The following NDUFAF6 variants were observed in gnomAD, a reference collection of about 807,000 sequenced individuals.
The protein encoded by NDUFAF6 is NADH dehydrogenase (ubiquinone) complex I, assembly factor 6.
NDUFAF6 carries 45 observed loss-of-function variants against 40.8 expected under a neutral mutation model. The observed-to-expected ratio is 1.10, with a 90% CI of 0.87 to 1.42. The LOEUF (loss-of-function observed/expected upper bound fraction) is 1.42. Ranked by LOEUF, NDUFAF6 falls within the 40% of genes most tolerant of loss-of-function variation. The pLI is 0.00. For missense variants in NDUFAF6, 435 were observed against 418.5 expected, an observed-to-expected ratio of 1.04 and a Z score of -0.34; for synonymous variants, 185 against 155.9, an observed-to-expected ratio of 1.19 and a Z score of -1.39.
chr8:94,948,627 G>T (rs896853), intron 2 of NDUFAF6, among the ~76,000 whole-genome samples: 4 of 152,046 alleles, frequency 2.6e-5, no homozygotes, highest in Non-Finnish European at 5.9e-5. Context: ...ATCGCAGGGC[G>T]GGGACAGAGC....
At chr8:94,973,503 T>G (rs1824645425) in intron 1 of NDUFAF6, among the ~76,000 whole-genome samples, 1 of 151,910 alleles carries the variant, frequency 6.6e-6, no homozygotes, top group Non-Finnish European at 1.5e-5. Context: ...GGTCAGGAGA[T>G]CGAGACCATC....
chr8:94,960,840 C>T lies in NDUFAF6; in HGVS notation c.-199+2661C>T, dbSNP rs563469893. On this transcript the variant is annotated intron_variant, in intron 1 of 9. Coordinates refer to the NDUFAF6 transcript ENST00000396111. ...TTTGTCCCTGACTGTTGTAACTTTT[C>T]GAACAAACCCTTCATACCTTTTACG... is the stretch of plus-strand genomic sequence containing the variant. 6.6e-5 allele frequency among the ~76,000 whole-genome samples: 10 copies of T among 152,316 alleles called. No individual in the cohort carries two copies. In the South Asian group the frequency reaches 1.2e-3, roughly 19 times the overall value.
chr8:95,033,020 T>TAA (rs1829040092), intron 2 of NDUFAF6, among the ~76,000 whole-genome samples: 1 of 152,206 alleles, frequency 6.6e-6, no homozygotes, highest in African/African-American at 2.4e-5. Context: ...CCTTGGTCTT[T>TAA]ATTATCATTT....
At chr8:94,938,297 G>A (rs772413835) in intron 1 of NDUFAF6, among the ~76,000 whole-genome samples, 8 of 152,220 alleles carry the variant, frequency 5.3e-5, no homozygotes, top group African/African-American at 1.2e-4. Flanking sequence ...CTGGTGTTGT[G>A]CCAGTATTTT....
At chr8:94,919,349 A>G (rs2131261750) in intron 1 of NDUFAF6, among the ~76,000 whole-genome samples, 1 of 152,176 alleles carries the variant, frequency 6.6e-6, no homozygotes, top group Non-Finnish European at 1.5e-5. Context: ...GCCTGTGATT[A>G]CTTTACTTTT....
At chr8:94,982,815 C>T (rs1173559208) in intron 2 of NDUFAF6, among the ~76,000 whole-genome samples, 2 of 152,244 alleles carry the variant, frequency 1.3e-5, no homozygotes, top group East Asian at 1.9e-4. Context: ...GGTGACCCAC[C>T]GTAATATGGA....
rs183276653 is a variant in NDUFAF6 at position 94,932,005 on chromosome 8, G to C, written c.-935-13478G>C. 2.0e-5 allele frequency: 30 copies of C among 1,487,406 alleles called. No individual in the cohort carries two copies. The East Asian group carries it at 6.7e-4, about 33-fold the overall frequency. 92.1% of individuals were successfully genotyped at this position (1,487,406 alleles called of 1,614,324 possible). A position where few individuals can be genotyped will look rare whatever the true frequency, so the allele number is the denominator to read the frequency against. On this transcript the variant is annotated intron_variant, in intron 1 of 14. Coordinates refer to the NDUFAF6 transcript ENST00000396113. ...AAAGAAAGTCATTTTTAAAAGGTCAGCATTTGGGTCCTTTGCCTCCCTATG... is the reference window on the plus strand; with the variant it reads ...AAAGAAAGTCATTTTTAAAAGGTCACCATTTGGGTCCTTTGCCTCCCTATG...
intron 2 of NDUFAF6, among the ~76,000 whole-genome samples, chr8:94,987,103 C>T (rs1463240850): frequency 6.6e-6 from 1 of 152,208 alleles, no homozygotes; most frequent in Non-Finnish European, 1.5e-5. Flanking sequence ...CTTTGTCCCC[C>T]AGAAGTACAG....
intron 1 of NDUFAF6, among the ~76,000 whole-genome samples, chr8:94,922,211 C>T (rs188696837): frequency 2.2e-4 from 33 of 152,086 alleles, no homozygotes; most frequent in Admixed American, 6.6e-4. Flanking sequence ...GAGGTTTCAC[C>T]GTGTTAGCCA....
intron 1 of NDUFAF6, among the ~76,000 whole-genome samples, chr8:94,913,693 G>A (rs556293404): frequency 2.6e-4 from 39 of 152,256 alleles, no homozygotes; most frequent in Non-Finnish European, 3.8e-4. Flanking sequence ...CAGCTACTCG[G>A]GAGGCTAAGG....
At chr8:94,961,000 G>C (rs1173001644) in intron 1 of NDUFAF6, among the ~76,000 whole-genome samples, 1 of 152,116 alleles carries the variant, frequency 6.6e-6, no homozygotes, top group Non-Finnish European at 1.5e-5. Context: ...ACTCTAAAAG[G>C]CCAGCACATA....
intron 2 of NDUFAF6, among the ~76,000 whole-genome samples, chr8:94,985,338 C>T (rs1441385506): frequency 4.6e-5 from 7 of 150,816 alleles, no homozygotes; most frequent in African/African-American, 1.7e-4. Context: ...TGCCACTCTA[C>T]ATATGCCACT....
chr8:94,959,270 A>G (rs754038448), intron 1 of NDUFAF6, among the ~76,000 whole-genome samples: 2 of 152,156 alleles, frequency 1.3e-5, no homozygotes, highest in Non-Finnish European at 2.9e-5. Context: ...CAGTAACCAT[A>G]ACAATCTCCC....
intron 1 of NDUFAF6, among the ~76,000 whole-genome samples, chr8:94,897,118 C>G (rs774383703): frequency 2.6e-5 from 4 of 152,170 alleles, no homozygotes; most frequent in Non-Finnish European, 5.9e-5. Context: ...TGATCGTAAG[C>G]AGAACTGGTG....
chr8:95,046,536 A>G (rs1830791578), intron 5 of NDUFAF6, among the ~76,000 whole-genome samples: 1 of 152,200 alleles, frequency 6.6e-6, no homozygotes, highest in Admixed American at 6.5e-5. Flanking sequence ...TACCTCCCTA[A>G]AAGAATAATA....
At chr8:95,038,362 G>A (rs1019581022) in intron 3 of NDUFAF6, among the ~76,000 whole-genome samples, 2 of 151,626 alleles carry the variant, frequency 1.3e-5, no homozygotes, top group Non-Finnish European at 2.9e-5. Flanking sequence ...AAAATTTAGC[G>A]AATATTTTCT....
intron 2 of NDUFAF6, among the ~76,000 whole-genome samples, chr8:95,008,538 C>T (rs1287190744): frequency 6.6e-6 from 1 of 152,122 alleles, no homozygotes; most frequent in Non-Finnish European, 1.5e-5. Flanking sequence ...GGAGTTTTCA[C>T]TCTTGTTGCC....
At chr8:95,052,280 T>C in intron 8 of NDUFAF6, 50 bp downstream of exon 8, 1 of 1,562,428 alleles carries the variant, frequency 6.4e-7, no homozygotes, top group Non-Finnish European at 8.8e-7. Context: ...CAGATGTGTA[T>C]GATCTGTTTT....
chr8:95,079,931 T>TGGGG, downstream of NDUFAF6, among the ~76,000 whole-genome samples: 2 of 144,374 alleles, frequency 1.4e-5, no homozygotes, highest in Non-Finnish European at 3.0e-5. Flanking sequence ...TTTGTAGTGA[T>TGGGG]TTTTGGTAGT....
Sources: gnomAD v4.1 joint callset for allele counts (sites outside exome capture counted in the v4.1 genomes callset) on GRCh38, gnomAD v4.1.1 for gene constraint, MANE v1.5 for transcripts, NCBI Gene and HGNC (gene_info 2026-07-23, HGNC 2026-07-21) for gene names.